The following AGMO variants were observed in gnomAD, a reference collection of about 807,000 sequenced individuals.
AGMO encodes glyceryl-ether monooxygenase.
In AGMO, 75 loss-of-function variants were observed where a neutral mutation model predicts 60.2. That is an observed-to-expected ratio of 1.25 (90% CI 1.03 to 1.51). The LOEUF is 1.51. AGMO is among the 40% of genes most tolerant of loss of function. The pLI is 0.00. For missense variants in AGMO, 763 were observed against 525.5 expected, an observed-to-expected ratio of 1.45 and a Z score of -4.42; for synonymous variants, 261 against 177.1, an observed-to-expected ratio of 1.47 and a Z score of -3.76.
chr7:15,123,054 C>A, the AGMO span, among the ~76,000 whole-genome samples: 1 of 152,016 alleles, frequency 6.6e-6, no homozygotes, highest in Non-Finnish European at 1.5e-5. Context: ...AGCCTCCTTA[C>A]CGTTTTTAGA....
chr7:15,334,374 T>C (rs1206405770), intron 12 of AGMO, among the ~76,000 whole-genome samples: 1 of 151,968 alleles, frequency 6.6e-6, no homozygotes, highest in Non-Finnish European at 1.5e-5. Flanking sequence ...TGCTTTCAAG[T>C]AGTCCTGTCT....
intron 3 of AGMO, among the ~76,000 whole-genome samples, chr7:15,507,705 A>G (rs1384978523): frequency 6.6e-6 from 1 of 152,190 alleles, no homozygotes; most frequent in East Asian, 1.9e-4. Context: ...CTGAATAACT[A>G]GTTGATGATA....
intron 3 of AGMO, among the ~76,000 whole-genome samples, chr7:15,464,730 T>C (rs532088756): frequency 6.6e-6 from 1 of 152,318 alleles, no homozygotes; most frequent in South Asian, 2.1e-4. Flanking sequence ...CATAGTGCAT[T>C]GTGTTGTAGT....
intron 12 of AGMO, among the ~76,000 whole-genome samples, chr7:15,245,309 G>C (rs1371780283): frequency 6.6e-6 from 1 of 152,074 alleles, no homozygotes; most frequent in African/African-American, 2.4e-5. Flanking sequence ...TTTTCCCTGA[G>C]GTCTGGGAAT....
chr7:15,522,633 G>A (rs574400299), intron 3 of AGMO, among the ~76,000 whole-genome samples: 3 of 152,192 alleles, frequency 2.0e-5, no homozygotes, highest in South Asian at 4.1e-4. Flanking sequence ...TGGAAAAACT[G>A]GCTAGCCATA....
intron 10 of AGMO, among the ~76,000 whole-genome samples, chr7:15,375,330 G>T (rs926788508): frequency 6.7e-6 from 1 of 149,998 alleles, no homozygotes; most frequent in Non-Finnish European, 1.5e-5. Context: ...AAATACAGAA[G>T]AGAAAAGATG....
rs1002562013 is a variant in AGMO at position 15,395,669 on chromosome 7, G to A, written c.610-1490C>T. 6.6e-5 allele frequency among the ~76,000 whole-genome samples: 10 copies of A among 152,218 alleles called. No individual in the cohort carries two copies. In the South Asian group the frequency reaches 1.9e-3, roughly 28 times the overall value. On this transcript the variant is annotated intron_variant, in intron 5 of 12. Coordinates refer to ENST00000342526, the MANE Select transcript of AGMO (RefSeq NM_001004320.2). ...AAATCTTGAGTTTTGAAACAAAATG[G>A]ATATATAAATTTATTGTTATTCTAA...
intron 5 of AGMO, among the ~76,000 whole-genome samples, chr7:15,399,661 C>T (rs1784503286): frequency 1.3e-5 from 2 of 152,170 alleles, no homozygotes. Flanking sequence ...GGAATGATCA[C>T]AAACTCCTCA....
intron 12 of AGMO, among the ~76,000 whole-genome samples, chr7:15,296,724 C>G (rs1784418292): frequency 6.6e-6 from 1 of 152,160 alleles, no homozygotes; most frequent in African/African-American, 2.4e-5. Context: ...TAGTCCCTCT[C>G]TACCCCAAAC....
chr7:15,251,157 C>A (rs1049788340), intron 12 of AGMO, among the ~76,000 whole-genome samples: 10 of 152,124 alleles, frequency 6.6e-5, no homozygotes. Context: ...TTGGGACAGC[C>A]TTTCACTGGT....
At chr7:15,210,121 A>G (rs932492709) in intron 12 of AGMO, among the ~76,000 whole-genome samples, 1 of 152,146 alleles carries the variant, frequency 6.6e-6, no homozygotes, top group Non-Finnish European at 1.5e-5. Flanking sequence ...AGAGTATTGG[A>G]AAGATGTGAA....
At chr7:15,289,562 A>AT (rs1454213673) in intron 12 of AGMO, among the ~76,000 whole-genome samples, 2 of 152,120 alleles carry the variant, frequency 1.3e-5, no homozygotes, top group Non-Finnish European at 2.9e-5. Flanking sequence ...TAAAGGTCTA[A>AT]TTGCATAAGC....
chr7:15,136,809 C>A, the AGMO span, among the ~76,000 whole-genome samples: 1 of 151,978 alleles, frequency 6.6e-6, no homozygotes, highest in South Asian at 2.1e-4. Context: ...TTTTCTTCCA[C>A]TACCTATCTC....
chr7:15,380,220 T>C (rs1783620166), intron 10 of AGMO, among the ~76,000 whole-genome samples: 1 of 152,048 alleles, frequency 6.6e-6, no homozygotes, highest in South Asian at 2.1e-4. Flanking sequence ...GAGATCAAAC[T>C]ATCCCTATTT....
the AGMO span, among the ~76,000 whole-genome samples, chr7:15,144,446 G>A: frequency 2.5e-3 from 388 of 152,228 alleles, no homozygotes; most frequent in Non-Finnish European, 3.6e-3. Context: ...TTGTTTACCT[G>A]TTACCCAGAA....
chr7:15,225,799 T>C (rs934416762), intron 12 of AGMO, among the ~76,000 whole-genome samples: 1 of 151,968 alleles, frequency 6.6e-6, no homozygotes, highest in African/African-American at 2.4e-5. Context: ...TCAGACATAG[T>C]AAACACATTT....
At chr7:15,548,811 G>C (rs1046195772) in intron 2 of AGMO, among the ~76,000 whole-genome samples, 3 of 152,082 alleles carry the variant, frequency 2.0e-5, no homozygotes, top group African/African-American at 7.2e-5. Context: ...AGGAAATACA[G>C]AGAACGCCAC....
At chr7:15,356,681 GTGTT>G (rs1370299291) in intron 12 of AGMO, among the ~76,000 whole-genome samples, 3 of 151,530 alleles carry the variant, frequency 2.0e-5, no homozygotes, top group African/African-American at 7.3e-5. Flanking sequence ...ATTTAGAATG[GTGTT>G]TATTTTATCT....
At chr7:15,232,290 C>T (rs555734287) in intron 12 of AGMO, among the ~76,000 whole-genome samples, 3 of 152,288 alleles carry the variant, frequency 2.0e-5, no homozygotes, top group African/African-American at 7.2e-5. Flanking sequence ...CAAGTATCCA[C>T]AATATTTTAG....
Sources: allele counts gnomAD v4.1 joint callset (sites outside exome capture counted in the v4.1 genomes callset), GRCh38; gene constraint gnomAD v4.1.1; transcripts MANE v1.5; gene names NCBI Gene and HGNC (gene_info 2026-07-23, HGNC 2026-07-21).